STARD13: variants seen among roughly 807,000 people sequenced by gnomAD.
STARD13 encodes StAR related lipid transfer domain containing 13, also known as stAR-related lipid transfer protein 13.
A neutral mutation model predicts 106.4 loss-of-function variants in STARD13; 62 were observed. The observed-to-expected ratio is 0.58, with a 90% CI of 0.48 to 0.72. The LOEUF is 0.72. Ranked by LOEUF, STARD13 falls within the 30% of genes least tolerant of loss-of-function variation. The pLI is 0.00. For synonymous variants in STARD13, 565 were observed against 553.0 expected (o/e 1.02, Z -0.31); for missense variants, 1,387 against 1,424.0 (o/e 0.97, Z 0.42).
At chr13:33,630,364 A>T in the STARD13 span, among the ~76,000 whole-genome samples, 1 of 151,744 alleles carries the variant, frequency 6.6e-6, no homozygotes, top group African/African-American at 2.4e-5. Flanking sequence ...CAGCTTTCCT[A>T]CCTCTTCACC....
At chr13:33,222,315 A>T (rs762030897) in intron 1 of STARD13, among the ~76,000 whole-genome samples, 14 of 152,156 alleles carry the variant, frequency 9.2e-5, no homozygotes, top group Non-Finnish European at 1.5e-4. Context: ...TGCGGAATGG[A>T]GATTGGAGAG....
chr13:33,318,613 C>G (rs1213425397), intron 1 of STARD13, among the ~76,000 whole-genome samples: 2 of 151,792 alleles, frequency 1.3e-5, no homozygotes, highest in Non-Finnish European at 2.9e-5. Flanking sequence ...AAGAACACTG[C>G]CAAGGAACTG....
chr13:33,577,730 C>A, the STARD13 span, among the ~76,000 whole-genome samples: 12 of 151,970 alleles, frequency 7.9e-5, no homozygotes, highest in Non-Finnish European at 1.3e-4. Flanking sequence ...GGATTATAGC[C>A]CTCAATGGAA....
chr13:33,154,957 C>G (rs1881774089), intron 3 of STARD13, among the ~76,000 whole-genome samples: 1 of 151,926 alleles, frequency 6.6e-6, no homozygotes, highest in Non-Finnish European at 1.5e-5. Context: ...TTCCTTGGGG[C>G]TTCTTTTCAC....
At chr13:33,275,471 T>G (rs1891378398) in intron 1 of STARD13, among the ~76,000 whole-genome samples, 1 of 152,202 alleles carries the variant, frequency 6.6e-6, no homozygotes, top group African/African-American at 2.4e-5. Flanking sequence ...ACTCTGAGAC[T>G]GTTGCTCTTT....
At chr13:33,348,756 A>T (rs1329472795) in exon 2 of STARD13, 1 of 232,738 alleles carries the variant, frequency 4.3e-6, no homozygotes, top group African/African-American at 2.2e-5. Context: ...AGGTTTTTAA[A>T]CATCAACAGT....
intron 3 of STARD13, among the ~76,000 whole-genome samples, chr13:33,150,523 T>C (rs1413519110): frequency 1.3e-5 from 2 of 152,206 alleles, no homozygotes; most frequent in African/African-American, 2.4e-5. Flanking sequence ...CCTGTCTACT[T>C]AAGAAAAATT....
At chr13:33,314,738 G>C (rs1247673749) in intron 1 of STARD13, among the ~76,000 whole-genome samples, 1 of 152,162 alleles carries the variant, frequency 6.6e-6, no homozygotes, top group Non-Finnish European at 1.5e-5. Flanking sequence ...AGTAGAGCCA[G>C]AATTCAAACC....
the STARD13 span, among the ~76,000 whole-genome samples, chr13:33,450,249 G>C: frequency 1.3e-5 from 2 of 152,130 alleles, no homozygotes; most frequent in South Asian, 2.1e-4. Flanking sequence ...TTATGTTGAG[G>C]CATGTTCCTT....
chr13:33,495,898 TTA>T, the STARD13 span, among the ~76,000 whole-genome samples: 1 of 144,790 alleles, frequency 6.9e-6, no homozygotes, highest in African/African-American at 2.5e-5. Context: ...TTATATATAG[TTA>T]TGTTATTATA....
the STARD13 span, among the ~76,000 whole-genome samples, chr13:33,580,610 T>G: frequency 6.6e-6 from 1 of 152,100 alleles, no homozygotes; most frequent in Non-Finnish European, 1.5e-5. Flanking sequence ...GAATAAAATA[T>G]GTTAATAATA....
chr13:33,113,698 A>G (rs1316169933), intron 8 of STARD13: 1 of 434,976 alleles, frequency 2.3e-6, no homozygotes, highest in African/African-American at 2.0e-5. Context: ...GTTATGGGGG[A>G]TGTCTGGCCC....
chr13:33,549,415 T>A, the STARD13 span, among the ~76,000 whole-genome samples: 1 of 152,192 alleles, frequency 6.6e-6, no homozygotes, highest in Non-Finnish European at 1.5e-5. Context: ...AAATACACAT[T>A]CTTGTCCCCT....
the STARD13 span, among the ~76,000 whole-genome samples, chr13:33,609,968 G>A: frequency 2.6e-5 from 4 of 152,096 alleles, no homozygotes; most frequent in Admixed American, 2.0e-4. Flanking sequence ...AATTTAAAAA[G>A]TGGGGAAAAA....
chr13:33,197,024 T>C (rs545220057), intron 1 of STARD13, among the ~76,000 whole-genome samples: 1 of 152,348 alleles, frequency 6.6e-6, no homozygotes, highest in South Asian at 2.1e-4. Context: ...CTGCTCAAGA[T>C]TTTGTTACTG....
At chr13:33,513,925 A>C in the STARD13 span, among the ~76,000 whole-genome samples, 8 of 152,210 alleles carry the variant, frequency 5.3e-5, no homozygotes, top group Non-Finnish European at 1.5e-5. Context: ...CAAGATGAAA[A>C]AGACACTGAT....
the STARD13 span, among the ~76,000 whole-genome samples, chr13:33,569,749 CAGAGT>C: frequency 3.4e-5 from 5 of 147,814 alleles, no homozygotes; most frequent in Non-Finnish European, 6.0e-5. Flanking sequence ...GAAATGGCAA[CAGAGT>C]AGATTATTAA....
At chr13:33,578,966 C>T in the STARD13 span, among the ~76,000 whole-genome samples, 1 of 151,834 alleles carries the variant, frequency 6.6e-6, no homozygotes, top group African/African-American at 2.4e-5. Flanking sequence ...CTTACTCCAG[C>T]CAGAATGGTC....
chr13:33,591,242 C>G, the STARD13 span, among the ~76,000 whole-genome samples: 2 of 152,208 alleles, frequency 1.3e-5, no homozygotes, highest in African/African-American at 4.8e-5. Flanking sequence ...ATAGGAAGGT[C>G]CAGCTAATAG....
Sources: allele counts gnomAD v4.1 joint callset (sites outside exome capture counted in the v4.1 genomes callset), GRCh38; gene constraint gnomAD v4.1.1; transcripts MANE v1.5; gene names NCBI Gene and HGNC (gene_info 2026-07-23, HGNC 2026-07-21).